NFIA: variants seen among roughly 807,000 people sequenced by gnomAD.
The protein encoded by NFIA is nuclear factor 1 A-type.
In NFIA, 8 loss-of-function variants were observed where a neutral mutation model predicts 62.8. The ratio of observed to expected loss-of-function variants is 0.13; its 90% CI spans 0.07 to 0.23. The LOEUF (loss-of-function observed/expected upper bound fraction) is 0.23, where lower values mean the gene tolerates loss of function less well. NFIA is among the 10% of genes least tolerant of loss of function. The pLI, the probability that NFIA is intolerant of heterozygous loss-of-function variation, is 1.00. For synonymous variants in NFIA, 235 were observed against 238.1 expected, an observed-to-expected ratio of 0.99 and a Z score of 0.12; for missense variants, 410 against 642.1, an observed-to-expected ratio of 0.64 and a Z score of 3.91.
chr1:61,128,774 T>G (rs1647020053), intron 2 of NFIA, among the ~76,000 whole-genome samples: 1 of 151,966 alleles, frequency 6.6e-6, no homozygotes, highest in South Asian at 2.1e-4. Context: ...AAGAAGAGAA[T>G]TTTAGACTTG....
At chr1:61,340,087 G>A in intron 4 of NFIA, among the ~76,000 whole-genome samples, 1 of 152,172 alleles carries the variant, frequency 6.6e-6, no homozygotes, top group South Asian at 2.1e-4. Context: ...CTGGCAGTGA[G>A]AGTTCTCATG....
intron 2 of NFIA, among the ~76,000 whole-genome samples, chr1:61,275,392 T>TA (rs1169560464): frequency 6.6e-6 from 1 of 152,066 alleles, no homozygotes; most frequent in African/African-American, 2.4e-5. Flanking sequence ...TCAGATTAAA[T>TA]AAAAAAAATT....
intron 2 of NFIA, among the ~76,000 whole-genome samples, chr1:61,103,125 A>T (rs545372563): frequency 6.6e-6 from 1 of 152,362 alleles, no homozygotes; most frequent in East Asian, 1.9e-4. Context: ...TGAGTTAATT[A>T]GTGAACACAA....
chr1:61,397,311 A>G (rs72913894), intron 7 of NFIA, among the ~76,000 whole-genome samples: 2,378 of 152,218 alleles, frequency 0.016, 54 homozygotes, highest in African/African-American at 0.054. Flanking sequence ...TGTTGCTTTT[A>G]CTTTTCATTT....
At chr1:61,139,367 C>G (rs1647329790) in intron 2 of NFIA, among the ~76,000 whole-genome samples, 1 of 152,168 alleles carries the variant, frequency 6.6e-6, no homozygotes, top group African/African-American at 2.4e-5. Context: ...CTGGTCCGGG[C>G]AGGCTTTGCT....
At chr1:61,426,135 C>T (rs1305533670) in intron 9 of NFIA, among the ~76,000 whole-genome samples, 1 of 152,212 alleles carries the variant, frequency 6.6e-6, no homozygotes, top group East Asian at 1.9e-4. Context: ...AATAGGATAT[C>T]TCTTTCTGAC....
chr1:61,164,896 C>G (rs1355297359), intron 2 of NFIA, among the ~76,000 whole-genome samples: 1 of 152,118 alleles, frequency 6.6e-6, no homozygotes, highest in Non-Finnish European at 1.5e-5. Flanking sequence ...GACCTGAAGA[C>G]CCTGTGGCCT....
At chr1:61,092,670 T>C (rs1052871549) in intron 2 of NFIA, among the ~76,000 whole-genome samples, 2 of 152,238 alleles carry the variant, frequency 1.3e-5, no homozygotes, top group African/African-American at 4.8e-5. Context: ...CTGCTGTACC[T>C]CATATTATTC....
At chr1:61,192,263 C>T (rs1051625915) in intron 2 of NFIA, among the ~76,000 whole-genome samples, 3 of 152,148 alleles carry the variant, frequency 2.0e-5, no homozygotes, top group African/African-American at 7.2e-5. Context: ...GGATTATAGG[C>T]ATGAGCCACT....
chr1:61,220,482 A>G (rs1391436705), intron 2 of NFIA, among the ~76,000 whole-genome samples: 7 of 152,242 alleles, frequency 4.6e-5, no homozygotes, highest in African/African-American at 7.2e-5. Context: ...TATTTAGACC[A>G]CTGATTAAGT....
chr1:61,215,371 G>T (rs115505263), intron 2 of NFIA, among the ~76,000 whole-genome samples: 1 of 151,556 alleles, frequency 6.6e-6, no homozygotes, highest in African/African-American at 2.4e-5. Context: ...AAGTTTTCCT[G>T]TTCTAAAAAC....
intron 2 of NFIA, among the ~76,000 whole-genome samples, chr1:61,124,177 C>A (rs1247838313): frequency 6.6e-6 from 1 of 152,160 alleles, no homozygotes; most frequent in Non-Finnish European, 1.5e-5. Flanking sequence ...TGTGTATGAT[C>A]ATTGGCCAGT....
chr1:61,246,935 C>T (rs192299469), intron 2 of NFIA, among the ~76,000 whole-genome samples: 1 of 152,256 alleles, frequency 6.6e-6, no homozygotes. Flanking sequence ...CTCAAGAATC[C>T]TGAACTCATT....
chr1:61,432,533 G>A (rs552519207), intron 10 of NFIA, among the ~76,000 whole-genome samples: 76 of 151,714 alleles, frequency 5.0e-4, no homozygotes, highest in African/African-American at 1.8e-3. Flanking sequence ...TCAAGGAGCA[G>A]CTGGAGAGTT....
At chr1:61,126,438 A>G (rs1646968124) in intron 2 of NFIA, among the ~76,000 whole-genome samples, 1 of 56,348 alleles carries the variant, frequency 1.8e-5, no homozygotes, top group South Asian at 8.7e-4. Context: ...TTGAAAATGA[A>G]CACACACACA....
At chr1:61,451,662 A>T (rs1668065629) in intron 10 of NFIA, among the ~76,000 whole-genome samples, 1 of 152,220 alleles carries the variant, frequency 6.6e-6, no homozygotes, top group Non-Finnish European at 1.5e-5. Context: ...GACCTCCACA[A>T]CAACTATAGC....
intron 8 of NFIA, among the ~76,000 whole-genome samples, chr1:61,406,052 AAATAAAATATTACTTTTTTATCTC>A (rs1665802524): frequency 1.3e-5 from 2 of 152,236 alleles, no homozygotes; most frequent in South Asian, 4.1e-4. Context: ...TGAAGAGTGA[AAATAAAATATTACTTTTTTATCTC>A]AAGTGCATAT....
intron 7 of NFIA, among the ~76,000 whole-genome samples, chr1:61,396,290 G>T (rs1187380979): frequency 6.6e-6 from 1 of 152,106 alleles, no homozygotes; most frequent in Non-Finnish European, 1.5e-5. Flanking sequence ...CTGTCACCCA[G>T]GCTAGAGTGC....
At chr1:61,392,605 C>A (rs1484004331) in intron 7 of NFIA, among the ~76,000 whole-genome samples, 5 of 152,056 alleles carry the variant, frequency 3.3e-5, no homozygotes, top group African/African-American at 4.8e-5. Flanking sequence ...ACTAAAAGCT[C>A]TATTACACTA....
Sources: gnomAD v4.1 joint callset for allele counts (sites outside exome capture counted in the v4.1 genomes callset) on GRCh38, gnomAD v4.1.1 for gene constraint, MANE v1.5 for transcripts, NCBI Gene and HGNC (gene_info 2026-07-23, HGNC 2026-07-21) for gene names.